The following TDRD9 variants were observed in gnomAD, a reference collection of about 807,000 sequenced individuals.
TDRD9 encodes tudor domain containing 9.
Under a neutral mutation model 172.6 loss-of-function variants are expected in TDRD9, and 124 were observed. The ratio of observed to expected loss-of-function variants is 0.72; its 90% CI spans 0.62 to 0.83. The LOEUF is 0.83. Among genes scored for constraint, TDRD9 ranks in the 40% least tolerant of loss-of-function variants. TDRD9 has a pLI of 0.00. For synonymous variants in TDRD9, 619 were observed against 617.1 expected (o/e 1.00, Z -0.05); for missense variants, 1,479 against 1,714.1 (o/e 0.86, Z 2.42).
chr14:103,944,811 C>T (rs772541965), intron 1 of TDRD9, among the ~76,000 whole-genome samples: 3 of 152,000 alleles, frequency 2.0e-5, no homozygotes, highest in South Asian at 2.1e-4. Context: ...GTGATCTGTT[C>T]GTCTTGGCCT....
chr14:103,999,185 C>T (rs1008404936), intron 13 of TDRD9, among the ~76,000 whole-genome samples: 1 of 152,184 alleles, frequency 6.6e-6, no homozygotes, highest in African/African-American at 2.4e-5. Flanking sequence ...GCAATGGCTT[C>T]TCATATTGTC....
At chr14:104,025,469 A>G in intron 25 of TDRD9, 95 bp from the exon 26 acceptor site, 1 of 907,256 alleles carries the variant, frequency 1.1e-6, no homozygotes. Flanking sequence ...GAGGTGTCGT[A>G]CAGCACAGGG....
At chr14:103,941,413 C>T in intron 1 of TDRD9, 1 of 1,534,732 alleles carries the variant, frequency 6.5e-7, no homozygotes, top group Non-Finnish European at 8.7e-7. Flanking sequence ...AGAATAGTTC[C>T]AGTTTGGCAA....
chr14:103,993,958 C>T (rs978746717), intron 9 of TDRD9, among the ~76,000 whole-genome samples: 8 of 152,170 alleles, frequency 5.3e-5, no homozygotes, highest in African/African-American at 1.9e-4. Context: ...TTTAGCACAT[C>T]CTCATGACCA....
chr14:104,017,854 A>G (rs1039589330), intron 22 of TDRD9, among the ~76,000 whole-genome samples: 1 of 152,212 alleles, frequency 6.6e-6, no homozygotes. Context: ...GCTGTATTAG[A>G]CTTACACCAT....
At chr14:103,959,454 T>TTGTGTGTGTG (rs1566740472) in intron 2 of TDRD9, among the ~76,000 whole-genome samples, 8 of 63,000 alleles carry the variant, frequency 1.3e-4, no homozygotes, top group African/African-American at 5.0e-4. Context: ...GGTCAGGTTA[T>TTGTGTGTGTG]CGTGTGTGTG....
chr14:104,020,429 TC>T (rs1227924555), intron 23 of TDRD9, among the ~76,000 whole-genome samples: 1 of 152,074 alleles, frequency 6.6e-6, no homozygotes, highest in Non-Finnish European at 1.5e-5. Flanking sequence ...CCCAAGAGCA[TC>T]CGGCTTTCCA....
At chr14:104,022,459 G>A in intron 24 of TDRD9, 129 bp downstream of exon 24, 2 of 965,258 alleles carry the variant, frequency 2.1e-6, no homozygotes, top group Non-Finnish European at 3.0e-6. Flanking sequence ...TGGGTGTGGG[G>A]GCTCACGCCA....
At chr14:104,046,837 G>A (rs1272931518) in intron 34 of TDRD9, among the ~76,000 whole-genome samples, 2 of 151,980 alleles carry the variant, frequency 1.3e-5, no homozygotes, top group Non-Finnish European at 2.9e-5. Flanking sequence ...TAGTAGAGAC[G>A]GGGTTTCACT....
At chr14:104,021,430 C>T (rs1023929738) in intron 23 of TDRD9, among the ~76,000 whole-genome samples, 3 of 152,286 alleles carry the variant, frequency 2.0e-5, no homozygotes, top group Non-Finnish European at 4.4e-5. Flanking sequence ...CGCTGTGGCT[C>T]AGTCCTGTAA....
At chr14:103,969,957 C>A (rs1287582025) in intron 5 of TDRD9, among the ~76,000 whole-genome samples, 1 of 152,154 alleles carries the variant, frequency 6.6e-6, no homozygotes, top group East Asian at 1.9e-4. Flanking sequence ...ACCTCGGGTC[C>A]TAACCTTGCT....
At chr14:104,007,272 A>C in intron 19 of TDRD9, 68 bp downstream of exon 19, 1 of 1,486,066 alleles carries the variant, frequency 6.7e-7, no homozygotes, top group Non-Finnish European at 9.3e-7. Context: ...CTGTCTTGGT[A>C]CAGTCATAGC....
intron 23 of TDRD9, 131 bp from the exon 24 acceptor site, chr14:104,022,022 GATTA>G (rs1230777533): frequency 6.0e-6 from 4 of 663,378 alleles, no homozygotes; most frequent in East Asian, 2.8e-5. Context: ...ACATGTTATT[GATTA>G]ATTATAAATT....
intron 23 of TDRD9, among the ~76,000 whole-genome samples, chr14:104,020,312 G>A (rs1566787776): frequency 6.6e-6 from 1 of 152,168 alleles, no homozygotes. Flanking sequence ...ACTGAGATGT[G>A]CAGCCAGTAT....
At chr14:104,021,282 C>T (rs1200393885) in intron 23 of TDRD9, among the ~76,000 whole-genome samples, 4 of 152,124 alleles carry the variant, frequency 2.6e-5, no homozygotes, top group Non-Finnish European at 4.4e-5. Context: ...CCACCAGGCC[C>T]CTCCTCCAAT....
Position 104,040,267 on chromosome 14 carries a change from C to G in TDRD9, c.3788C>G (p.Ser1263Cys). The G allele has an allele frequency of 1.9e-6, 3 of 1,551,636 alleles. 1 individual carries two copies. Among genetic ancestry groups the G allele is most frequent in the Non-Finnish European group, 1.7e-6 (2 of 1,146,878 alleles). Residue 1263 changes from serine (S) to cysteine (C), a missense_variant, in exon 33 of 36, where the codon TCC (serine) becomes TGC (cysteine). This residue lies in a region of TDRD9 where 1,413 missense variants were observed against 1,649.1 expected (regional missense o/e 0.86). Transcript: ENST00000409874. ...GGGTGGAATCCAGCTACAGGGGCTT[C>G]CATACTGCCCGAGCACGACATGGAG... Reference protein sequence around the residue: ...GLGWNPATGASILPEHDMELA... With the variant: ...GLGWNPATGACILPEHDMELA...
intron 12 of TDRD9, among the ~76,000 whole-genome samples, chr14:103,998,041 C>T (rs909780382): frequency 1.3e-5 from 2 of 152,012 alleles, no homozygotes; most frequent in African/African-American, 4.8e-5. Context: ...ATCCCCAGTG[C>T]TTTGCCTGTG....
At chr14:103,951,521 G>T (rs1344018386) in intron 1 of TDRD9, among the ~76,000 whole-genome samples, 2 of 152,142 alleles carry the variant, frequency 1.3e-5, no homozygotes. Context: ...GCTACCTTTT[G>T]TTAAATCTGC....
intron 32 of TDRD9, among the ~76,000 whole-genome samples, chr14:104,036,789 T>C (rs1288165205): frequency 6.6e-6 from 1 of 152,242 alleles, no homozygotes; most frequent in African/African-American, 2.4e-5. Flanking sequence ...TATATTCATT[T>C]TGTTGAATTA....
Sources: allele counts gnomAD v4.1 joint callset (sites outside exome capture counted in the v4.1 genomes callset), GRCh38; gene constraint gnomAD v4.1.1; regional missense constraint gnomAD v4.1.1; transcripts MANE v1.5; gene names NCBI Gene and HGNC (gene_info 2026-07-23, HGNC 2026-07-21).